Variants in SLC14A2 observed in about 807,000 individuals in gnomAD.
SLC14A2 encodes solute carrier family 14 member 2.
SLC14A2 carries 91 observed loss-of-function variants against 104.6 expected under a neutral mutation model. That is an observed-to-expected ratio of 0.87 (90% confidence interval 0.73 to 1.04). The LOEUF (loss-of-function observed/expected upper bound fraction) is 1.04, where lower values mean the gene tolerates loss of function less well. SLC14A2 is among the 50% of genes least tolerant of loss of function. The pLI is 0.00. For missense variants in SLC14A2, 1,189 were observed against 1,156.0 expected (o/e 1.03, Z -0.41); for synonymous variants, 476 against 466.4 (o/e 1.02, Z -0.27).
chr18:45,632,990 AAACC>A (rs1185307042), intron 5 of SLC14A2, among the ~76,000 whole-genome samples: 3 of 152,230 alleles, frequency 2.0e-5, no homozygotes, highest in Non-Finnish European at 4.4e-5. Flanking sequence ...AGGATTCTTT[AAACC>A]AACAAAAGAC....
the SLC14A2 span, among the ~76,000 whole-genome samples, chr18:45,191,982 A>G: frequency 6.6e-6 from 1 of 152,184 alleles, no homozygotes; most frequent in African/African-American, 2.4e-5. Flanking sequence ...CCAAAGAGGA[A>G]TTACAATCTG....
intron 7 of SLC14A2, among the ~76,000 whole-genome samples, chr18:45,640,625 T>C (rs772366391): frequency 1.3e-4 from 20 of 152,342 alleles, no homozygotes; most frequent in African/African-American, 4.6e-4. Context: ...CTTCTTCTAA[T>C]ATTTTTCAAA....
chr18:45,298,513 A>G (rs1328696256), intron 1 of SLC14A2, among the ~76,000 whole-genome samples: 4 of 152,122 alleles, frequency 2.6e-5, no homozygotes, highest in African/African-American at 9.7e-5. Context: ...TCTTTCCTTG[A>G]GGCCCCTTTA....
the SLC14A2 span, among the ~76,000 whole-genome samples, chr18:45,205,299 A>T: frequency 6.6e-6 from 1 of 152,214 alleles, no homozygotes; most frequent in Non-Finnish European, 1.5e-5. Context: ...TATAATTTAT[A>T]CAAGTACAGG....
chr18:45,211,381 C>T (rs1315331651), upstream of SLC14A2, among the ~76,000 whole-genome samples: 2 of 152,118 alleles, frequency 1.3e-5, no homozygotes, highest in Non-Finnish European at 2.9e-5. Context: ...CAGAAAACTG[C>T]ACAAAATTTA....
chr18:45,407,664 CTATTT>C lies in SLC14A2; in HGVS notation c.-124-75566_-124-75562del, dbSNP rs565151589. Among the ~76,000 whole-genome samples, 5 of 152,236 alleles carry C rather than the reference CTATTT, an allele frequency of 3.3e-5. No homozygotes were observed. In the East Asian group the frequency reaches 9.6e-4, roughly 29 times the overall value. On this transcript the variant is annotated intron_variant, in intron 1 of 20. Coordinates refer to the SLC14A2 transcript ENST00000586448. Reference sequence around the variant, plus strand: ...TATTTAAAGTGAGAGGCATATAACTCTATTTTACTTGAATACTTAGAGGCCATTGT... The same window carrying C: ...TATTTAAAGTGAGAGGCATATAACTCTACTTGAATACTTAGAGGCCATTGT...
chr18:45,213,811 A>G (rs2083983204), intron 1 of SLC14A2, among the ~76,000 whole-genome samples: 1 of 152,164 alleles, frequency 6.6e-6, no homozygotes, highest in Non-Finnish European at 1.5e-5. Flanking sequence ...AGGCATATAC[A>G]ATTTGGGGGA....
intron 1 of SLC14A2, among the ~76,000 whole-genome samples, chr18:45,245,067 A>C (rs2084355919): frequency 6.6e-6 from 1 of 152,172 alleles, no homozygotes; most frequent in South Asian, 2.1e-4. Flanking sequence ...CACACAATGA[A>C]ATGAAGGGTG....
At chr18:45,442,095 G>T (rs183319254) in intron 1 of SLC14A2, among the ~76,000 whole-genome samples, 1 of 152,074 alleles carries the variant, frequency 6.6e-6, no homozygotes, top group African/African-American at 2.4e-5. Context: ...ACAATTTCCC[G>T]TACCTGAGAA....
intron 1 of SLC14A2, among the ~76,000 whole-genome samples, chr18:45,464,945 A>C (rs1425248648): frequency 6.6e-6 from 1 of 152,216 alleles, no homozygotes; most frequent in South Asian, 2.1e-4. Flanking sequence ...CCGTGACAGC[A>C]TCATGGCAGT....
chr18:45,529,540 A>G (rs2144828090), intron 2 of SLC14A2: 1 of 152,332 alleles, frequency 6.6e-6, no homozygotes, highest in African/African-American at 2.4e-5. Context: ...ATGGGCCATC[A>G]ATGAATATAA....
chr18:45,564,029 G>A (rs535144640), intron 2 of SLC14A2, among the ~76,000 whole-genome samples: 4 of 152,280 alleles, frequency 2.6e-5, no homozygotes, highest in Non-Finnish European at 5.9e-5. Flanking sequence ...TTGTAGTGGC[G>A]TATAATGAGT....
At chr18:45,359,505 G>A (rs1232999979) in intron 1 of SLC14A2, among the ~76,000 whole-genome samples, 2 of 152,206 alleles carry the variant, frequency 1.3e-5, no homozygotes, top group Non-Finnish European at 2.9e-5. Flanking sequence ...AGTGCCCTGG[G>A]CTCTCAAGGG....
chr18:45,488,254 G>A (rs150021792), intron 2 of SLC14A2, among the ~76,000 whole-genome samples: 107 of 152,270 alleles, frequency 7.0e-4, no homozygotes, highest in Non-Finnish European at 1.2e-3. Flanking sequence ...TGGATATGGT[G>A]TGGACCCCAG....
intron 1 of SLC14A2, among the ~76,000 whole-genome samples, chr18:45,347,610 C>G (rs181656693): frequency 1.2e-4 from 19 of 152,196 alleles, no homozygotes; most frequent in African/African-American, 4.6e-4. Flanking sequence ...TCTCCTGGTG[C>G]TAATACCATC....
At position 45,506,228 on chromosome 18, in the gene SLC14A2, C is replaced by T. The variant is rs114679599; in HGVS notation, c.-35+22906C>T. Among the ~76,000 whole-genome samples, 232 of 152,218 alleles carry T rather than the reference C, an allele frequency of 1.5e-3. 2 individuals are homozygous for T. The highest frequency in any genetic ancestry group is 5.3e-3 in the African/African-American group (219 of 41,540). On this transcript the variant is annotated intron_variant, in intron 2 of 20. Coordinates refer to the SLC14A2 transcript ENST00000586448. The stretch of plus-strand genomic sequence containing the variant: ...GTCCTGCTCCCACTAGCCTTTGAGA[C>T]CTGCCCTTCACTTTATCCTCACTTA...
chr18:45,345,206 A>G (rs1378929069), intron 1 of SLC14A2, among the ~76,000 whole-genome samples: 3 of 152,256 alleles, frequency 2.0e-5, no homozygotes, highest in Admixed American at 2.0e-4. Flanking sequence ...AGTGAATGCC[A>G]TGAGAATAGT....
rs190517591 is a variant in SLC14A2 at position 45,602,560 on chromosome 18, C to G, written c.-34-22071C>G. ...TGTGATGTGAAAAACACTTTCACCCCCATACTCACTTCAGCTGCTCTACCC... is the reference window on the plus strand; with the variant it reads ...TGTGATGTGAAAAACACTTTCACCCGCATACTCACTTCAGCTGCTCTACCC... On this transcript the variant is annotated intron_variant, in intron 2 of 20. Transcript: ENST00000586448. Among the ~76,000 whole-genome samples the G allele has an allele frequency of 3.6e-3, 552 of 152,266 alleles. 1 individual carries two copies. Among genetic ancestry groups the G allele is most frequent in the Non-Finnish European group, 4.5e-3 (307 of 68,024 alleles).
intron 1 of SLC14A2, among the ~76,000 whole-genome samples, chr18:45,361,906 C>A (rs1281211494): frequency 6.6e-6 from 1 of 152,156 alleles, no homozygotes; most frequent in East Asian, 1.9e-4. Context: ...TCCCCGGGAG[C>A]ACCACTTGAC....
Sources: gnomAD v4.1 joint callset for allele counts (sites outside exome capture counted in the v4.1 genomes callset) on GRCh38, gnomAD v4.1.1 for gene constraint, MANE v1.5 for transcripts, NCBI Gene and HGNC (gene_info 2026-07-23, HGNC 2026-07-21) for gene names.